Variants in EGF observed in about 807,000 individuals in gnomAD.
EGF encodes pro-epidermal growth factor.
In EGF, 95 loss-of-function variants were observed where a neutral mutation model predicts 143.8. The observed-to-expected ratio is 0.66, with a 90% CI of 0.56 to 0.78. The LOEUF (loss-of-function observed/expected upper bound fraction) is 0.78, where lower values mean the gene tolerates loss of function less well. EGF is among the 30% of genes least tolerant of loss of function. The pLI is 0.00. For synonymous variants in EGF, 510 were observed against 510.5 expected, an observed-to-expected ratio of 1.00 and a Z score of 0.01; for missense variants, 1,320 against 1,470.9, an observed-to-expected ratio of 0.90 and a Z score of 1.68.
intron 1 of EGF, among the ~76,000 whole-genome samples, chr4:109,919,325 C>CTCTCTCA (rs1737334756): frequency 7.5e-6 from 1 of 134,060 alleles, no homozygotes; most frequent in African/African-American, 2.9e-5. Context: ...CTCTCTCTCT[C>CTCTCTCA]TCTCTCTCTC....
At position 110,011,675 on chromosome 4, in the gene EGF, T is replaced by C. The variant is rs1754013212; in HGVS notation, c.*220T>C. 5.9e-6 allele frequency: 4 copies of C among 683,476 alleles called. No individual in the cohort carries two copies. The Admixed American group carries it at 1.2e-4, about 20-fold the overall frequency. 42.3% of individuals were successfully genotyped at this position (683,476 alleles called of 1,614,324 possible). Reference sequence around the variant, plus strand: ...CAAGTAAGAGTACTGGGAGAATCACTAGGTAACTTATTAGAAACCCAAATT... The same window carrying C: ...CAAGTAAGAGTACTGGGAGAATCACCAGGTAACTTATTAGAAACCCAAATT... On this transcript the variant is annotated 3_prime_UTR_variant, in exon 24 of 24. Transcript: ENST00000265171.
chr4:109,917,076 C>T (rs1206647109), intron 1 of EGF, among the ~76,000 whole-genome samples: 2 of 152,146 alleles, frequency 1.3e-5, no homozygotes, highest in Non-Finnish European at 2.9e-5. Context: ...TAACTCTGTT[C>T]GTCGGGTTTC....
chr4:109,956,382 T>C (rs1005245686), intron 5 of EGF, among the ~76,000 whole-genome samples: 1 of 152,224 alleles, frequency 6.6e-6, no homozygotes, highest in Non-Finnish European at 1.5e-5. Flanking sequence ...TTCAATTTTT[T>C]GTTATCTCAA....
intron 13 of EGF, among the ~76,000 whole-genome samples, chr4:109,977,942 G>A (rs949072713): frequency 2.0e-5 from 3 of 152,140 alleles, no homozygotes; most frequent in African/African-American, 4.8e-5. Context: ...CCGAATGTGA[G>A]GACACTATAT....
rs1160122130 is a variant in EGF, at chr4:109,913,219, A to G, written c.-117A>G. The G allele has an allele frequency of 3.1e-6, 4 of 1,311,394 alleles. No homozygotes were observed. The highest frequency in any genetic ancestry group is 3.3e-6 in the Non-Finnish European group (3 of 917,220). The allele number at this position is 1,311,394 out of a possible 1,614,324, so 81.2% of individuals were successfully genotyped here. On this transcript the variant is annotated 5_prime_UTR_variant, in exon 1 of 24. Transcript: ENST00000265171. ...ACAACAGGAGAGTAAAAGATGCCCC[A>G]GGGCTGAGGCCTCCGCTCAGGCAGC...
chr4:109,946,248 C>G (rs948906449), intron 5 of EGF, among the ~76,000 whole-genome samples: 2 of 152,212 alleles, frequency 1.3e-5, no homozygotes, highest in African/African-American at 4.8e-5. Flanking sequence ...TTTTCTGAAT[C>G]TGATCCATTC....
At chr4:109,938,911 T>G (rs1432457749) in intron 1 of EGF, among the ~76,000 whole-genome samples, 1 of 152,132 alleles carries the variant, frequency 6.6e-6, no homozygotes, top group Non-Finnish European at 1.5e-5. Context: ...AGAGGGGCAC[T>G]TGCCTGTATG....
chr4:109,959,996 A>G (rs1463024822), intron 6 of EGF, among the ~76,000 whole-genome samples: 11 of 152,158 alleles, frequency 7.2e-5, no homozygotes, highest in Admixed American at 7.2e-4. Flanking sequence ...AAAGAATCCA[A>G]TGGCTGCAGC....
intron 5 of EGF, among the ~76,000 whole-genome samples, chr4:109,947,991 G>A (rs757658362): frequency 6.6e-6 from 1 of 152,178 alleles, no homozygotes; most frequent in Non-Finnish European, 1.5e-5. Flanking sequence ...TCTCAGTTTA[G>A]TATTCTTCCT....
chr4:109,998,635 A>G (rs1007729189), intron 20 of EGF, among the ~76,000 whole-genome samples: 4 of 152,244 alleles, frequency 2.6e-5, no homozygotes. Flanking sequence ...TGAGTTGCCC[A>G]GTCCCTCTGA....
rs1420888787 is a variant in EGF at position 109,993,366 on chromosome 4, C to T, written c.2854C>T (p.Pro952Ser). The change falls in exon 19 of 24, where the codon CCT becomes TCT. Residue 952 changes from proline to serine, a missense_variant. Around this residue, in one of 5 missense-constraint regions of EGF, gnomAD observed 1,186 missense variants for 1,313.7 expected, o/e 0.90. Coordinates refer to ENST00000265171, the MANE Select transcript of EGF (RefSeq NM_001963.6). ...CCTGTCTGAACCAGGACTGATTTGC[C>T]CTGGTAGGTTGGTGGGTGGTCTACA... ...GRLSEPGLIC[P>S]DSTPPPHLRE... 1.2e-6 allele frequency: 2 copies of T among 1,613,188 alleles called. No homozygotes were observed. The highest frequency in any genetic ancestry group is 1.3e-5 in the African/African-American group (1 of 74,962).
In EGF at chr4:109,999,775, C is replaced by A. The variant is rs772253578; in HGVS notation, c.3102C>A (p.Ile1034=). 1.9e-6 allele frequency: 3 copies of A among 1,613,974 alleles called. No individual in the cohort carries two copies. Among genetic ancestry groups the A allele is most frequent in the Non-Finnish European group, 2.5e-6 (3 of 1,180,026 alleles). ...GCCACGGGCAGCAGCAGAAGGTCAT[C>A]GTGGTGGCTGTCTGCGTGGTGGTGC... ...HAGHGQQQKV[I]VVAVCVVVLV... The change falls in exon 21 of 24, where the codon ATC becomes ATA. Residue 1034 remains isoleucine, a synonymous_variant. Coordinates refer to ENST00000265171, the MANE Select transcript of EGF (RefSeq NM_001963.6).
chr4:109,977,367 A>G (rs1433116599), intron 13 of EGF: 1 of 152,216 alleles, frequency 6.6e-6, no homozygotes, highest in Non-Finnish European at 1.5e-5. Context: ...CTAAAAATTA[A>G]AGATATACTT....
At chr4:110,002,081 A>G in intron 21 of EGF, 9 of 968,898 alleles carry the variant, frequency 9.3e-6, no homozygotes, top group Non-Finnish European at 1.1e-5. Context: ...TTTAAGTTAG[A>G]CATGCTAACT....
chr4:109,960,746 C>T lies in EGF; in HGVS notation c.1067-121C>T, dbSNP rs11568933. The T allele has an allele frequency of 1.7e-3, 1,902 of 1,142,516 alleles. 23 individuals carry two copies. In the African/African-American group the frequency reaches 0.024, roughly 15 times the overall value. 70.8% of individuals were successfully genotyped at this position (1,142,516 alleles called of 1,614,324 possible). On this transcript the variant is annotated intron_variant, in intron 6 of 23. Transcript: ENST00000265171. ...GCTAGAGTATGGAAAACAGACTTTC[C>T]ATGATCAATTACAGCATATACAAGT...
At chr4:109,929,556 T>G (rs1397718482) in intron 1 of EGF, among the ~76,000 whole-genome samples, 1 of 152,160 alleles carries the variant, frequency 6.6e-6, no homozygotes, top group Admixed American at 6.5e-5. Flanking sequence ...TAGTCTCAAT[T>G]AATATCCTGA....
chr4:109,985,999 T>C (rs1011883171), intron 16 of EGF, among the ~76,000 whole-genome samples: 1 of 151,280 alleles, frequency 6.6e-6, no homozygotes, highest in African/African-American at 2.4e-5. Context: ...ATCAAAGGGG[T>C]TTTTTTTAAG....
At position 109,964,437 on chromosome 4, in the gene EGF, A is replaced by G. The variant is rs763816678; in HGVS notation, c.1475A>G (p.Asp492Gly). 3.1e-6 allele frequency: 5 copies of G among 1,613,990 alleles called. No individual in the cohort carries two copies. Among genetic ancestry groups the G allele is most frequent in the Non-Finnish European group, 3.4e-6 (4 of 1,179,878 alleles). Residue 492 changes from aspartate to glycine, a missense_variant, in exon 10 of 24, where the codon GAT becomes GGT. Around this residue, in one of 5 missense-constraint regions of EGF, gnomAD observed 1,186 missense variants for 1,313.7 expected, o/e 0.90. Coordinates refer to ENST00000265171, the MANE Select transcript of EGF (RefSeq NM_001963.6). ...QPFLLFANSQ[D>G]IRHMHFDGTD... ...TTTTTGCTGTTTGCCAATTCTCAAG[A>G]TATTCGACACATGCATTTTGATGGA...
rs11568875 is a variant in EGF, at chr4:109,939,662, G to A, written c.128-1284G>A. On this transcript the variant is annotated intron_variant, in intron 1 of 23. Transcript: ENST00000265171. ...CTGTAGACCTGAGTTGTTCCTATTC[G>A]GCCATCTTGGAAGCGCCAACCCTCT... 9.9e-3 allele frequency among the ~76,000 whole-genome samples: 1,512 copies of A among 152,176 alleles called. 77 individuals carry two copies. Among genetic ancestry groups the A allele is most frequent in the Admixed American group, 0.079 (1,202 of 15,282 alleles).
Sources: allele counts gnomAD v4.1 joint callset (sites outside exome capture counted in the v4.1 genomes callset), GRCh38; gene constraint gnomAD v4.1.1; regional missense constraint gnomAD v4.1.1; transcripts MANE v1.5; gene names NCBI Gene and HGNC (gene_info 2026-07-23, HGNC 2026-07-21).